RLF: variants seen among roughly 807,000 people sequenced by gnomAD.
RLF encodes the protein RLF zinc finger, also known as zinc finger protein Rlf.
Under a neutral mutation model 162.9 loss-of-function variants are expected in RLF, and 7 were observed. The observed-to-expected ratio is 0.04, with a 90% CI of 0.02 to 0.08. The LOEUF (loss-of-function observed/expected upper bound fraction) is 0.08, where lower values mean the gene tolerates loss of function less well. Among genes scored for constraint, RLF ranks in the 10% least tolerant of loss-of-function variants. RLF has a pLI of 1.00. For synonymous variants in RLF, 782 were observed against 791.5 expected, an observed-to-expected ratio of 0.99 and a Z score of 0.20; for missense variants, 1,664 against 2,244.7, an observed-to-expected ratio of 0.74 and a Z score of 5.23.
Position 40,189,093 on chromosome 1 carries a change from A to T in RLF, c.276A>T (p.Glu92Asp). The T allele has an allele frequency of 6.2e-7, 1 of 1,612,286 alleles. No homozygotes were observed. Among genetic ancestry groups the T allele is most frequent in the Non-Finnish European group, 8.5e-7 (1 of 1,178,636 alleles). The change falls in exon 2 of 8, where the codon GAA becomes GAT. Residue 92 changes from glutamate (E) to aspartate (D), a missense_variant. By Grantham distance (45) the Glu-to-Asp change is conservative. Transcript: ENST00000372771. ...ATGCAAGCAACAAGAATGCATCAGA[A>T]CATATTGTGTATCTTCTGGAGGTAT... ...LQYASNKNAS[E>D]HIVYLLEVYR... is the part of the protein sequence containing the mutation.
At chr1:40,196,974 A>AT (rs773894004) in intron 4 of RLF, among the ~76,000 whole-genome samples, 1 of 152,210 alleles carries the variant, frequency 6.6e-6, no homozygotes, top group East Asian at 1.9e-4. Flanking sequence ...TGTTAAGTAC[A>AT]TTTTTTGCTA....
At chr1:40,173,857 TG>T (rs1264672162) in intron 1 of RLF, among the ~76,000 whole-genome samples, 1 of 152,166 alleles carries the variant, frequency 6.6e-6, no homozygotes, top group Admixed American at 6.5e-5. Context: ...GAAGTTCTCA[TG>T]AAGCGGAACA....
chr1:40,238,029 T>C lies in RLF; in HGVS notation c.3327T>C (p.Asn1109=), dbSNP rs1643242088. The C allele has an allele frequency of 1.2e-6, 2 of 1,614,112 alleles. No homozygotes were observed. Among genetic ancestry groups the C allele is most frequent in the South Asian group, 1.1e-5 (1 of 91,086 alleles). ...VSSISDLNFQ[N]QDENMPSQYL... is the part of the protein sequence containing the mutation. ...CTATCTCAGACCTTAATTTTCAGAATCAAGATGAAAACATGCCAAGTCAGT... is the reference window on the plus strand; with the variant it reads ...CTATCTCAGACCTTAATTTTCAGAACCAAGATGAAAACATGCCAAGTCAGT... The change falls in exon 8 of 8, where the codon AAT becomes AAC. Residue 1109 remains asparagine, a synonymous_variant. Transcript: ENST00000372771. This position sits in a 1 kb window ranked among gnomAD's most constrained non-coding sequence, Gnocchi z 5.2.
At chr1:40,227,391 T>C (rs1032723337) in intron 6 of RLF, among the ~76,000 whole-genome samples, 14 of 152,186 alleles carry the variant, frequency 9.2e-5, no homozygotes, top group African/African-American at 3.4e-4. Flanking sequence ...GAACTTATCC[T>C]AGCGCATGTT....
At chr1:40,224,258 A>T (rs933535245) in intron 6 of RLF, among the ~76,000 whole-genome samples, 7 of 149,416 alleles carry the variant, frequency 4.7e-5, no homozygotes, top group African/African-American at 1.8e-4. Context: ...GTCATTTCAC[A>T]CTTTGTTAAA....
chr1:40,240,688 G>A lies in RLF; in HGVS notation c.*241G>A, dbSNP rs1643281536. On this transcript the variant is annotated 3_prime_UTR_variant, in exon 8 of 8. Transcript: ENST00000372771. ...ATTAAAAAAATGGAACTGTACACTT[G>A]TTTGGTGCTAATTAATACATCAAAA... is the stretch of plus-strand genomic sequence containing the variant. 4.6e-6 allele frequency: 2 copies of A among 438,008 alleles called. No individual in the cohort carries two copies. Among genetic ancestry groups the A allele is most frequent in the South Asian group, 2.9e-5 (1 of 34,132 alleles). 27.1% of individuals were successfully genotyped at this position (438,008 alleles called of 1,614,324 possible).
intron 1 of RLF, among the ~76,000 whole-genome samples, chr1:40,163,969 T>C (rs1642132727): frequency 6.6e-6 from 1 of 152,214 alleles, no homozygotes; most frequent in Non-Finnish European, 1.5e-5. Context: ...CAGGAAAATT[T>C]TCACCATCAG....
chr1:40,169,249 G>C lies in RLF; in HGVS notation c.237+7613G>C, dbSNP rs1642206575. ...CAAGTGGTGGTGAGTTCTTTAGACT[G>C]TAGAGCCTATGTTCTTTTTTCTTAT... On this transcript the variant is annotated intron_variant, in intron 1 of 7. Coordinates refer to ENST00000372771, the MANE Select transcript of RLF (RefSeq NM_012421.4). Among the ~76,000 whole-genome samples, 6 of 152,242 alleles carry C rather than the reference G, an allele frequency of 3.9e-5. No individual in the cohort carries two copies. In the South Asian group the frequency reaches 1.0e-3, roughly 26 times the overall value.
intron 1 of RLF, among the ~76,000 whole-genome samples, chr1:40,174,748 GATT>G (rs990386271): frequency 1.3e-5 from 2 of 152,226 alleles, no homozygotes; most frequent in Non-Finnish European, 2.9e-5. Flanking sequence ...CTCCCTGATG[GATT>G]ATTATTTGCC....
intron 1 of RLF, among the ~76,000 whole-genome samples, chr1:40,170,899 C>G (rs1642234899): frequency 6.6e-6 from 1 of 152,100 alleles, no homozygotes; most frequent in Non-Finnish European, 1.5e-5. Context: ...TATTTCTCGC[C>G]ACTTGTGCTA....
At chr1:40,225,305 G>A (rs921870127) in intron 6 of RLF, among the ~76,000 whole-genome samples, 2 of 152,116 alleles carry the variant, frequency 1.3e-5, no homozygotes, top group African/African-American at 2.4e-5. Context: ...TTGGCCAGGC[G>A]CAGTAGCTCA....
At position 40,238,065 on chromosome 1, in the gene RLF, G is replaced by A; in HGVS notation, c.3363G>A (p.Gln1121=). The change falls in exon 8 of 8, where the codon CAG becomes CAA. Residue 1121 remains glutamine, a synonymous_variant. Coordinates refer to ENST00000372771, the MANE Select transcript of RLF (RefSeq NM_012421.4). The surrounding 1 kb of genome is among the most constrained non-coding windows in gnomAD (Gnocchi z 5.2). The part of the protein sequence containing the change: ...DENMPSQYLA[Q]LAAKPFFCEL... ...ACATGCCAAGTCAGTACCTTGCACA[G>A]TTGGCGGCTAAGCCGTTTTTCTGTG... is the stretch of plus-strand genomic sequence containing the variant. 6.2e-7 allele frequency: 1 copy of A among 1,614,110 alleles called. No homozygotes were observed. The highest frequency in any genetic ancestry group is 2.2e-5 in the East Asian group (1 of 44,888).
At chr1:40,213,903 A>G (rs939645534) in intron 5 of RLF, among the ~76,000 whole-genome samples, 2 of 152,202 alleles carry the variant, frequency 1.3e-5, no homozygotes, top group African/African-American at 4.8e-5. Flanking sequence ...TAACTTAGGA[A>G]CGTAAGTATG....
At chr1:40,206,405 G>T (rs1642795565) in intron 5 of RLF, among the ~76,000 whole-genome samples, 1 of 152,104 alleles carries the variant, frequency 6.6e-6, no homozygotes, top group African/African-American at 2.4e-5. Context: ...AAAGACATAG[G>T]ATAAGGAATA....
rs1328876337 is a variant in RLF at position 40,238,774 on chromosome 1, T to C, written c.4072T>C (p.Cys1358Arg). 1 of 1,612,758 alleles carries C rather than the reference T, an allele frequency of 6.2e-7. No homozygotes were observed. Among genetic ancestry groups the C allele is most frequent in the African/African-American group, 1.3e-5 (1 of 74,796 alleles). Reference sequence around the variant, plus strand: ...AAGAACCAAAAGGGAACTTGTCAAATGTAAAAAGATATTTGCTTGCAAATA... The same window carrying C: ...AAGAACCAAAAGGGAACTTGTCAAACGTAAAAAGATATTTGCTTGCAAATA... ...KARTKRELVK[C>R]KKIFACKYKE... Residue 1358 changes from cysteine to arginine, a missense_variant, in exon 8 of 8, where the codon TGT (cysteine) becomes CGT (arginine). Coordinates refer to ENST00000372771, the MANE Select transcript of RLF (RefSeq NM_012421.4). This position sits in a 1 kb window ranked among gnomAD's most constrained non-coding sequence, Gnocchi z 5.2.
At chr1:40,203,053 T>C (rs1642739565) in intron 5 of RLF, among the ~76,000 whole-genome samples, 1 of 150,806 alleles carries the variant, frequency 6.6e-6, no homozygotes, top group Non-Finnish European at 1.5e-5. Context: ...ATTCCATGAC[T>C]ACATCCTGAA....
chr1:40,194,990 C>T (rs563744368), intron 3 of RLF, among the ~76,000 whole-genome samples: 9 of 114,742 alleles, frequency 7.8e-5, no homozygotes, highest in African/African-American at 2.0e-4. Flanking sequence ...GGTGCCACCA[C>T]GCCCGGCTAA....
At chr1:40,182,789 A>C (rs1570524380) in intron 1 of RLF, among the ~76,000 whole-genome samples, 1 of 150,778 alleles carries the variant, frequency 6.6e-6, no homozygotes, top group South Asian at 2.1e-4. Context: ...AGATAGATAG[A>C]TAGAGTAATA....
At chr1:40,176,774 G>GTTT (rs781105577) in intron 1 of RLF, among the ~76,000 whole-genome samples, 2 of 152,002 alleles carry the variant, frequency 1.3e-5, no homozygotes, top group Non-Finnish European at 2.9e-5. Flanking sequence ...CTTTTCATAT[G>GTTT]TTTGTTTGCC....
Sources: allele counts gnomAD v4.1 joint callset (sites outside exome capture counted in the v4.1 genomes callset), GRCh38; gene constraint gnomAD v4.1.1; non-coding constraint Gnocchi (gnomAD v3.1); transcripts MANE v1.5; gene names NCBI Gene and HGNC (gene_info 2026-07-23, HGNC 2026-07-21).